The following ZNF292 variants were observed in gnomAD, a reference collection of about 807,000 sequenced individuals.
ZNF292 encodes the protein zinc finger protein 292.
In ZNF292, 26 loss-of-function variants were observed where a neutral mutation model predicts 217.9. The ratio of observed to expected loss-of-function variants is 0.12; its 90% confidence interval spans 0.09 to 0.17. ZNF292 has a LOEUF of 0.17. ZNF292 is among the 10% of genes least tolerant of loss of function. The probability of loss-of-function intolerance (pLI) is 1.00; values close to 1 mark genes in which losing one functional copy is unlikely to be tolerated. For missense variants in ZNF292, 2,904 were observed against 3,175.2 expected (o/e 0.91, Z 2.05); for synonymous variants, 1,257 against 1,124.1 (o/e 1.12, Z -2.37).
intron 1 of ZNF292, among the ~76,000 whole-genome samples, chr6:87,196,544 G>A (rs1324843441): frequency 6.6e-6 from 1 of 152,216 alleles, no homozygotes; most frequent in Non-Finnish European, 1.5e-5. Flanking sequence ...GAAAAGTTAT[G>A]TGATTGCTTA....
At chr6:87,166,550 A>G (rs983593940) in intron 1 of ZNF292, among the ~76,000 whole-genome samples, 2 of 152,192 alleles carry the variant, frequency 1.3e-5, no homozygotes, top group Non-Finnish European at 1.5e-5. Flanking sequence ...TCTCAACTCT[A>G]CCTGTACCTT....
chr6:87,216,106 TAGACACACACACACACACACACACACAC>T lies in ZNF292; in HGVS notation c.323+51_323+78del, dbSNP rs1228769533. 1.7e-4 allele frequency: 163 copies of T among 951,760 alleles called. 5 individuals carry two copies. The highest frequency in any genetic ancestry group is 5.2e-4 in the South Asian group (29 of 56,154). 59.0% of individuals were successfully genotyped at this position (951,760 alleles called of 1,614,324 possible). ...AACTAGATTTAGCTTTAAAAATACATAGACACACACACACACACACACACACACACACACACACACACACACACACAAC... is the reference window on the plus strand; with the variant it reads ...AACTAGATTTAGCTTTAAAAATACATACACACACACACACACACACACAAC... On this transcript the variant is annotated intron_variant, in intron 2 of 7. Coordinates refer to ENST00000369577, the MANE Select transcript of ZNF292 (RefSeq NM_015021.3).
intron 1 of ZNF292, among the ~76,000 whole-genome samples, chr6:87,163,400 A>G (rs1277428706): frequency 6.6e-6 from 1 of 152,044 alleles, no homozygotes; most frequent in African/African-American, 2.4e-5. Context: ...GCAGTGAGCC[A>G]CGATGGCGCC....
At chr6:87,229,276 A>G (rs1184211728) in intron 4 of ZNF292, among the ~76,000 whole-genome samples, 2 of 152,124 alleles carry the variant, frequency 1.3e-5, no homozygotes, top group Non-Finnish European at 2.9e-5. Context: ...TTGCAGCTTT[A>G]CCAAATTTGT....
chr6:87,156,316 G>A (rs1186085084), intron 1 of ZNF292, among the ~76,000 whole-genome samples: 1 of 152,146 alleles, frequency 6.6e-6, no homozygotes, highest in Non-Finnish European at 1.5e-5. Flanking sequence ...GTTGATGTTC[G>A]GAGGAGCAGT....
intron 4 of ZNF292, among the ~76,000 whole-genome samples, chr6:87,226,539 C>A (rs1773351193): frequency 6.7e-6 from 1 of 150,090 alleles, no homozygotes; most frequent in African/African-American, 2.4e-5. Flanking sequence ...ATTATATGAC[C>A]CAAAGTTTTC....
chr6:87,225,139 A>T (rs752691457), intron 4 of ZNF292, among the ~76,000 whole-genome samples: 49 of 152,160 alleles, frequency 3.2e-4, no homozygotes, highest in Admixed American at 5.9e-4. Flanking sequence ...TTTCATATGC[A>T]TATTTGCCAT....
In ZNF292 at chr6:87,255,878, A is replaced by G. The variant is rs1466919929; in HGVS notation, c.2249A>G (p.Tyr750Cys). 1.2e-6 allele frequency: 2 copies of G among 1,613,760 alleles called. No homozygotes were observed. Among genetic ancestry groups the G allele is most frequent in the Admixed American group, 1.7e-5 (1 of 59,964 alleles). Residue 750 changes from tyrosine (Y) to cysteine (C), a missense_variant, in exon 8 of 8, where the codon TAT becomes TGT. Physicochemically the swap from Tyr to Cys is radical, Grantham distance 194. Coordinates refer to ENST00000369577, the MANE Select transcript of ZNF292 (RefSeq NM_015021.3). ...CAGATGCACTGTGGCAGTAAACCAT[A>G]TATCTGTATACAGATGAAATGTAAA... The part of the protein sequence containing the change: ...HLQMHCGSKP[Y>C]ICIQMKCKAG...
At chr6:87,168,096 G>T (rs1163569542) in intron 1 of ZNF292, among the ~76,000 whole-genome samples, 1 of 152,198 alleles carries the variant, frequency 6.6e-6, no homozygotes, top group Non-Finnish European at 1.5e-5. Context: ...AGACCAACCA[G>T]ATTGAAGAGA....
chr6:87,232,082 C>T (rs1773684752), intron 4 of ZNF292, among the ~76,000 whole-genome samples: 1 of 152,076 alleles, frequency 6.6e-6, no homozygotes, highest in Admixed American at 6.5e-5. Context: ...TTTATCTGTG[C>T]TTACCCTTTA....
At chr6:87,184,221 T>G (rs545790152) in intron 1 of ZNF292, among the ~76,000 whole-genome samples, 36 of 152,374 alleles carry the variant, frequency 2.4e-4, no homozygotes, top group African/African-American at 8.4e-4. Flanking sequence ...GGGGCAGAAG[T>G]AATACATGAT....
In ZNF292 at chr6:87,258,470, A is replaced by G; in HGVS notation, c.4841A>G (p.Asn1614Ser). 2 of 1,613,686 alleles carry G rather than the reference A, an allele frequency of 1.2e-6. No individual in the cohort carries two copies. The highest frequency in any genetic ancestry group is 1.7e-6 in the Non-Finnish European group (2 of 1,179,770). ...SRVSVISGPQ[N>S]TRSSHLNKKG... ...GTTTCTGTTATAAGTGGTCCTCAGAACACAAGATCCAGTCATTTAAATAAA... is the reference window on the plus strand; with the variant it reads ...GTTTCTGTTATAAGTGGTCCTCAGAGCACAAGATCCAGTCATTTAAATAAA... The change falls in exon 8 of 8, where the codon AAC becomes AGC. Residue 1614 changes from asparagine (N) to serine (S), a missense_variant. Physicochemically the swap from Asn to Ser is conservative, Grantham distance 46 (BLOSUM62 1). Coordinates refer to ENST00000369577, the MANE Select transcript of ZNF292 (RefSeq NM_015021.3).
Position 87,259,570 on chromosome 6 carries a change from A to C in ZNF292, c.5941A>C (p.Lys1981Gln), listed in dbSNP as rs770387871. The C allele has an allele frequency of 1.1e-5, 18 of 1,578,832 alleles. No homozygotes were observed. Among genetic ancestry groups the C allele is most frequent in the Admixed American group, 7.3e-5 (4 of 54,466 alleles). The change falls in exon 8 of 8, where the codon AAG (lysine) becomes CAG (glutamine). Residue 1981 changes from lysine (K) to glutamine (Q), a missense_variant. Around this residue, in one of 15 missense-constraint regions of ZNF292, gnomAD observed 261 missense variants for 272.8 expected, o/e 0.96. Coordinates refer to ENST00000369577, the MANE Select transcript of ZNF292 (RefSeq NM_015021.3). ...TCATTTTACAACTGAAGAAATGGTA[A>C]AGTTAAAAATTAAAAGGCCTTATGG... ...VHHFTTEEMV[K>Q]LKIKRPYGRK...
chr6:87,179,161 T>TTTG (rs1260485610), intron 1 of ZNF292, among the ~76,000 whole-genome samples: 1 of 124,636 alleles, frequency 8.0e-6, no homozygotes, highest in Non-Finnish European at 1.6e-5. Flanking sequence ...TATGTGGCTT[T>TTTG]TTTTTTTTTT....
chr6:87,169,902 A>C, intron 1 of ZNF292: 1 of 181,928 alleles, frequency 5.5e-6, no homozygotes, highest in Non-Finnish European at 1.2e-5. Context: ...CCCATCTCAG[A>C]CTCCCAGAGT....
At chr6:87,159,764 C>A (rs1474675935) in intron 1 of ZNF292, among the ~76,000 whole-genome samples, 3 of 152,104 alleles carry the variant, frequency 2.0e-5, no homozygotes, top group Non-Finnish European at 4.4e-5. Flanking sequence ...CAGGCGTGAG[C>A]CACCACGCCC....
chr6:87,185,592 A>C (rs1015287815), intron 1 of ZNF292, among the ~76,000 whole-genome samples: 3 of 151,930 alleles, frequency 2.0e-5, no homozygotes, highest in African/African-American at 7.3e-5. Flanking sequence ...GATTCCTCCC[A>C]CCTCAGCTGG....
intron 7 of ZNF292, among the ~76,000 whole-genome samples, chr6:87,251,557 GT>G (rs1774921054): frequency 6.6e-6 from 1 of 152,182 alleles, no homozygotes; most frequent in Non-Finnish European, 1.5e-5. Flanking sequence ...TTAGCTTTCT[GT>G]TCCTGTGACT....
chr6:87,240,792 C>G (rs566737420), intron 5 of ZNF292, among the ~76,000 whole-genome samples: 4 of 152,096 alleles, frequency 2.6e-5, no homozygotes, highest in African/African-American at 9.7e-5. Context: ...TCAAGAAATA[C>G]GGATTTTTAT....
Sources: gnomAD v4.1 joint callset for allele counts (sites outside exome capture counted in the v4.1 genomes callset) on GRCh38, gnomAD v4.1.1 for gene constraint, gnomAD v4.1.1 regional missense constraint, MANE v1.5 for transcripts, NCBI Gene and HGNC (gene_info 2026-07-23, HGNC 2026-07-21) for gene names.